Variants in IL16 observed in about 807,000 individuals in gnomAD.
IL16 encodes the protein pro-interleukin-16.
Under a neutral mutation model 110.1 loss-of-function variants are expected in IL16, and 67 were observed. The observed-to-expected ratio is 0.61, with a 90% CI of 0.50 to 0.75. IL16 has a LOEUF of 0.75. Among genes scored for constraint, IL16 ranks in the 30% least tolerant of loss-of-function variants. IL16 has a pLI of 0.00. For synonymous variants in IL16, 689 were observed against 662.9 expected, an observed-to-expected ratio of 1.04 and a Z score of -0.61; for missense variants, 1,545 against 1,655.0, an observed-to-expected ratio of 0.93 and a Z score of 1.15.
intron 8 of IL16, among the ~76,000 whole-genome samples, chr15:81,281,207 C>T (rs890699960): frequency 1.3e-5 from 2 of 152,262 alleles, no homozygotes; most frequent in Non-Finnish European, 2.9e-5. Flanking sequence ...CGGCCTCCCT[C>T]ATGGGACTGC....
At chr15:81,298,873 C>T (rs1900121158) in intron 13 of IL16, among the ~76,000 whole-genome samples, 1 of 152,332 alleles carries the variant, frequency 6.6e-6, no homozygotes. Context: ...TGTGCACAGG[C>T]ACCTTGTTTT....
chr15:81,242,845 G>A (rs1400568067), intron 2 of IL16, among the ~76,000 whole-genome samples: 1 of 151,778 alleles, frequency 6.6e-6, no homozygotes, highest in Non-Finnish European at 1.5e-5. Flanking sequence ...TTAGCCACAG[G>A]TTTTTTGCAG....
chr15:81,278,263 G>C (rs1245923573), intron 6 of IL16, among the ~76,000 whole-genome samples: 1 of 152,108 alleles, frequency 6.6e-6, no homozygotes, highest in Non-Finnish European at 1.5e-5. Context: ...AGCCTGGCCA[G>C]GGAGTGACTG....
At position 81,303,681 on chromosome 15, in the gene IL16, G is replaced by T; in HGVS notation, c.3420+31G>T. On this transcript the variant is annotated intron_variant, in intron 16 of 18. Coordinates refer to ENST00000683961, the MANE Select transcript of IL16 (RefSeq NM_172217.5). This position sits in a 1 kb window ranked among gnomAD's most constrained non-coding sequence, Gnocchi z 4.1. ...TGGCCAAGTGAAGGGGCATGTCACA[G>T]CCAGAGGCAATGGTTCTGGGGGAGG... 1.4e-6 allele frequency: 2 copies of T among 1,421,310 alleles called. No homozygotes were observed. Among genetic ancestry groups the T allele is most frequent in the Non-Finnish European group, 2.0e-6 (2 of 1,004,512 alleles). 88.0% of individuals were successfully genotyped at this position (1,421,310 alleles called of 1,614,324 possible). A position where few individuals can be genotyped will look rare whatever the true frequency, so the allele number is the denominator to read the frequency against.
At chr15:81,185,623 G>C (rs369710529) in intron 1 of IL16, among the ~76,000 whole-genome samples, 3 of 152,150 alleles carry the variant, frequency 2.0e-5, no homozygotes, top group African/African-American at 4.8e-5. Context: ...TTTATTTAGA[G>C]TATTCTAGGC....
intron 1 of IL16, among the ~76,000 whole-genome samples, chr15:81,201,436 G>T (rs901206161): frequency 1.3e-5 from 2 of 152,116 alleles, no homozygotes; most frequent in Admixed American, 6.5e-5. Context: ...TCTATTTAGA[G>T]ATCACGAAAT....
At chr15:81,258,310 G>C (rs1898022096) in intron 2 of IL16, among the ~76,000 whole-genome samples, 1 of 151,946 alleles carries the variant, frequency 6.6e-6, no homozygotes, top group Non-Finnish European at 1.5e-5. Flanking sequence ...TACTGACCCT[G>C]GTATGGAAAT....
intron 7 of IL16, 66 bp from the exon 8 acceptor site, chr15:81,279,492 A>T: frequency 8.8e-7 from 1 of 1,135,726 alleles, no homozygotes; most frequent in Non-Finnish European, 1.3e-6. Context: ...GTGTTTCCTT[A>T]AACAGTATTT....
At chr15:81,271,590 C>A (rs920832840) in intron 5 of IL16, among the ~76,000 whole-genome samples, 3 of 152,176 alleles carry the variant, frequency 2.0e-5, no homozygotes, top group Non-Finnish European at 4.4e-5. Context: ...GCAATGACCC[C>A]AGGCTGTCTG....
chr15:81,268,257 T>C (rs1471013334), intron 4 of IL16, among the ~76,000 whole-genome samples: 1 of 152,212 alleles, frequency 6.6e-6, no homozygotes, highest in Non-Finnish European at 1.5e-5. Context: ...CAGCTCGTTA[T>C]CCAGGGAATG....
chr15:81,200,233 A>T (rs1363539671), intron 1 of IL16, among the ~76,000 whole-genome samples: 2 of 151,616 alleles, frequency 1.3e-5, no homozygotes, highest in Admixed American at 6.6e-5. Flanking sequence ...GTTTTTAGTT[A>T]TATATATTTA....
intron 1 of IL16, among the ~76,000 whole-genome samples, chr15:81,203,897 A>G (rs1049985283): frequency 2.6e-4 from 40 of 152,116 alleles, no homozygotes; most frequent in Non-Finnish European, 4.1e-4. Flanking sequence ...CATTGAATCT[A>G]TAAATTACCT....
intron 8 of IL16, 99 bp downstream of exon 8, chr15:81,279,873 A>G: frequency 9.7e-7 from 1 of 1,033,950 alleles, no homozygotes; most frequent in South Asian, 1.4e-5. Flanking sequence ...GTAGGGCAGG[A>G]TGTTGTCTTT....
chr15:81,236,889 T>C (rs536466427), intron 2 of IL16, among the ~76,000 whole-genome samples: 2 of 152,128 alleles, frequency 1.3e-5, no homozygotes, highest in African/African-American at 4.8e-5. Context: ...ACCCGGGAAG[T>C]GGAGGTTGCA....
intron 2 of IL16, among the ~76,000 whole-genome samples, chr15:81,232,575 A>C (rs1897046506): frequency 6.6e-6 from 1 of 152,152 alleles, no homozygotes; most frequent in Non-Finnish European, 1.5e-5. Context: ...TAAATTGTTG[A>C]ATTTTGTGAA....
intron 1 of IL16, among the ~76,000 whole-genome samples, chr15:81,222,178 C>T (rs547892362): frequency 6.6e-6 from 1 of 151,970 alleles, no homozygotes; most frequent in Non-Finnish European, 1.5e-5. Context: ...GACAAGAATG[C>T]GAGAGGCTGT....
intron 2 of IL16, among the ~76,000 whole-genome samples, chr15:81,251,293 A>C (rs1193760253): frequency 6.6e-6 from 1 of 152,122 alleles, no homozygotes; most frequent in Non-Finnish European, 1.5e-5. Flanking sequence ...CAGCCTCCCA[A>C]GTAGCTGGTA....
chr15:81,242,200 C>T (rs1279353417), intron 2 of IL16, among the ~76,000 whole-genome samples: 1 of 152,048 alleles, frequency 6.6e-6, no homozygotes, highest in Non-Finnish European at 1.5e-5. Flanking sequence ...TCTTCTATTT[C>T]AGTCGTTTTA....
chr15:81,289,050 C>T (rs1899587511), intron 10 of IL16, among the ~76,000 whole-genome samples: 2 of 152,246 alleles, frequency 1.3e-5, no homozygotes, highest in East Asian at 1.9e-4. Context: ...TTTTGAGGAG[C>T]CTTCAAACTA....
Sources: allele counts gnomAD v4.1 joint callset (sites outside exome capture counted in the v4.1 genomes callset), GRCh38; gene constraint gnomAD v4.1.1; non-coding constraint Gnocchi (gnomAD v3.1); transcripts MANE v1.5; gene names NCBI Gene and HGNC (gene_info 2026-07-23, HGNC 2026-07-21).